The following PCDH10 variants were observed in gnomAD, a reference collection of about 807,000 sequenced individuals.
The protein encoded by PCDH10 is protocadherin 10, also known as protocadherin-10.
In PCDH10, 15 loss-of-function variants were observed where a neutral mutation model predicts 74.4. That is an observed-to-expected ratio of 0.20 (90% confidence interval 0.13 to 0.31). PCDH10 has a LOEUF of 0.31. Ranked by LOEUF, PCDH10 falls within the 10% of genes least tolerant of loss-of-function variation. PCDH10 has a pLI of 1.00. For missense variants in PCDH10, 1,260 were observed against 1,390.2 expected (o/e 0.91, Z 1.49); for synonymous variants, 619 against 589.8 (o/e 1.05, Z -0.72).
chr4:133,201,594 C>T (rs892575492), intron 2 of PCDH10, among the ~76,000 whole-genome samples: 1 of 152,066 alleles, frequency 6.6e-6, no homozygotes, highest in African/African-American at 2.4e-5. Context: ...GGGTGGCTCA[C>T]ACCTGTAATC....
At chr4:133,172,823 A>G (rs1483095933) in intron 4 of PCDH10, among the ~76,000 whole-genome samples, 1 of 151,982 alleles carries the variant, frequency 6.6e-6, no homozygotes, top group Admixed American at 6.6e-5. Context: ...GTTAGTATTA[A>G]TTATCCAAAG....
Position 133,201,592 on chromosome 4 carries a change from C to T in PCDH10, n.438-6484C>T, listed in dbSNP as rs1029513430. Among the ~76,000 whole-genome samples, 8 of 152,170 alleles carry T rather than the reference C, an allele frequency of 5.3e-5. 2 individuals carry two copies. Among genetic ancestry groups the T allele is most frequent in the Admixed American group, 1.3e-4 (2 of 15,294 alleles). ...AGGAATTGTGCTAGGCGGGGTGGCT[C>T]ACACCTGTAATCCCAGCACTTTGGG... On this transcript the variant is annotated intron_variant and non_coding_transcript_variant, in intron 2 of 2. Transcript: ENST00000511112.
chr4:133,173,187 TAA>T (rs1459326852), intron 4 of PCDH10, among the ~76,000 whole-genome samples: 1 of 151,864 alleles, frequency 6.6e-6, no homozygotes, highest in Non-Finnish European at 1.5e-5. Context: ...TTAAATAGAG[TAA>T]AGAGATTAAC....
At chr4:133,170,712 A>G (rs1244661426) in intron 4 of PCDH10, among the ~76,000 whole-genome samples, 1 of 137,170 alleles carries the variant, frequency 7.3e-6, no homozygotes, top group Admixed American at 6.9e-5. Flanking sequence ...TTTTTTTGAG[A>G]TGAAGTCTCT....
Position 133,172,574 on chromosome 4 carries a change from T to C in PCDH10, c.3103+9292T>C, listed in dbSNP as rs142480654. On this transcript the variant is annotated intron_variant, in intron 4 of 4. Transcript: ENST00000264360. The stretch of plus-strand genomic sequence containing the variant: ...AGTAGCCAAAATATTACTACTGTAG[T>C]ATGTCAAGAAATCCATTCTTCTGCC... 3.6e-3 allele frequency among the ~76,000 whole-genome samples: 542 copies of C among 152,128 alleles called. 5 individuals are homozygous for C. Among genetic ancestry groups the C allele is most frequent in the African/African-American group, 0.012 (513 of 41,562 alleles).
chr4:133,153,302 TCTC>T (rs1198319064), intron 1 of PCDH10: 1 of 1,001,056 alleles, frequency 1.0e-6, no homozygotes, highest in African/African-American at 1.7e-5. Flanking sequence ...ACCAGATCCT[TCTC>T]CTCTGAACTC....
rs1250822643 is a variant in PCDH10, at chr4:133,193,863, A to G, written c.*3703A>G. 6.6e-6 allele frequency: 1 copy of G among 151,766 alleles called. No homozygotes were observed. The highest frequency in any genetic ancestry group is 1.5e-5 in the Non-Finnish European group (1 of 67,720). 9.4% of individuals were successfully genotyped at this position (151,766 alleles called of 1,614,324 possible). On this transcript the variant is annotated 3_prime_UTR_variant, in exon 5 of 5. Coordinates refer to ENST00000264360, the MANE Select transcript of PCDH10 (RefSeq NM_032961.3). ...TTGTAGTGGTAAAGGCTTTGCACTT[A>G]ACATCCTTTTGTGTTCCTTTTTAAC...
chr4:133,159,303 A>G (rs761664592), intron 3 of PCDH10, among the ~76,000 whole-genome samples: 9 of 152,084 alleles, frequency 5.9e-5, no homozygotes, highest in Non-Finnish European at 1.2e-4. Context: ...AGGACAAGTT[A>G]CTTGCCAGTT....
chr4:133,203,246 G>A (rs1430923370), intron 2 of PCDH10, among the ~76,000 whole-genome samples: 7 of 152,088 alleles, frequency 4.6e-5, no homozygotes, highest in African/African-American at 1.7e-4. Flanking sequence ...ATGAGAAGTG[G>A]TCCAATTTTA....
At position 133,187,460 on chromosome 4, in the gene PCDH10, T is replaced by C. The variant is rs187911659; in HGVS notation, c.3104-2681T>C. Among the ~76,000 whole-genome samples the C allele has an allele frequency of 2.5e-3, 377 of 152,162 alleles. 1 individual carries two copies. The highest frequency in any genetic ancestry group is 7.2e-3 in the African/African-American group (298 of 41,516). On this transcript the variant is annotated intron_variant, in intron 4 of 4. Transcript: ENST00000264360. ...ACAGACACTGAGGGATAACTCTTCA[T>C]AAATGTAAGATTAGCTTCTTCTAAC... is the stretch of plus-strand genomic sequence containing the variant.
intron 4 of PCDH10, among the ~76,000 whole-genome samples, chr4:133,186,092 C>A (rs899488492): frequency 6.6e-6 from 1 of 151,694 alleles, no homozygotes; most frequent in African/African-American, 2.4e-5. Context: ...AATTCAGTTG[C>A]AAATTATAAA....
At chr4:133,166,604 C>A (rs998701004) in intron 4 of PCDH10, among the ~76,000 whole-genome samples, 1 of 151,112 alleles carries the variant, frequency 6.6e-6, no homozygotes, top group Non-Finnish European at 1.5e-5. Context: ...TTCAGAAAAC[C>A]CTACTAGTTA....
In PCDH10 at chr4:133,194,643, C is replaced by T. The variant is rs907994348; in HGVS notation, c.*4483C>T. On this transcript the variant is annotated 3_prime_UTR_variant, in exon 5 of 5. Coordinates refer to ENST00000264360, the MANE Select transcript of PCDH10 (RefSeq NM_032961.3). Reference sequence around the variant, plus strand: ...TTTCCATGCATGGATCTTCCACTGACGCCTGTGGGAGCTTTGAATAAAAAT... The same window carrying T: ...TTTCCATGCATGGATCTTCCACTGATGCCTGTGGGAGCTTTGAATAAAAAT... 5 of 151,850 alleles carry T rather than the reference C, an allele frequency of 3.3e-5. No individual in the cohort carries two copies. The highest frequency in any genetic ancestry group is 2.1e-4 in the South Asian group (1 of 4,828). The allele number at this position is 151,850 out of a possible 1,614,324, so 9.4% of individuals were successfully genotyped here.
intron 2 of PCDH10, among the ~76,000 whole-genome samples, chr4:133,203,977 G>C (rs1047632648): frequency 4.6e-5 from 7 of 152,134 alleles, no homozygotes; most frequent in Non-Finnish European, 8.8e-5. Flanking sequence ...TTTTGGGTAG[G>C]GTTTTTCATT....
chr4:133,170,755 C>T lies in PCDH10; in HGVS notation c.3103+7473C>T, dbSNP rs536442361. ...TCACCCAGGCTGGAGTGCAGTGGTGCGATCTTGGCTCACTGCCACCTCCAC... is the reference window on the plus strand; with the variant it reads ...TCACCCAGGCTGGAGTGCAGTGGTGTGATCTTGGCTCACTGCCACCTCCAC... On this transcript the variant is annotated intron_variant, in intron 4 of 4. Transcript: ENST00000264360. 8.5e-5 allele frequency among the ~76,000 whole-genome samples: 13 copies of T among 152,108 alleles called. No homozygotes were observed. In the South Asian group the frequency reaches 1.9e-3, roughly 22 times the overall value.
At chr4:133,179,318 A>C (rs2125869524) in intron 4 of PCDH10, among the ~76,000 whole-genome samples, 1 of 152,244 alleles carries the variant, frequency 6.6e-6, no homozygotes, top group East Asian at 1.9e-4. Flanking sequence ...TCTCCAAAAT[A>C]TTTGACTCAT....
At chr4:133,156,979 C>T (rs531662749) in intron 3 of PCDH10, among the ~76,000 whole-genome samples, 16 of 152,152 alleles carry the variant, frequency 1.1e-4, no homozygotes, top group Non-Finnish European at 1.9e-4. Context: ...TAAAAGAATA[C>T]TAAAATGTTA....
intron 4 of PCDH10, among the ~76,000 whole-genome samples, chr4:133,170,322 T>G (rs1727177484): frequency 6.6e-6 from 1 of 152,106 alleles, no homozygotes. Context: ...AGAGACAATA[T>G]TTGAAATTAA....
exon 3 of PCDH10, chr4:133,208,538 A>G (rs1467103252): frequency 1.3e-5 from 2 of 152,186 alleles, no homozygotes; most frequent in African/African-American, 2.4e-5. Flanking sequence ...CACACAAAAA[A>G]TCATCCCCAC....
Sources: allele counts gnomAD v4.1 joint callset (sites outside exome capture counted in the v4.1 genomes callset), GRCh38; gene constraint gnomAD v4.1.1; transcripts MANE v1.5; gene names NCBI Gene and HGNC (gene_info 2026-07-23, HGNC 2026-07-21).